PRDM10: variants seen among roughly 807,000 people sequenced by gnomAD.
PRDM10 encodes the protein PR domain zinc finger protein 10.
A neutral mutation model predicts 133.1 loss-of-function variants in PRDM10; 65 were observed. The ratio of observed to expected loss-of-function variants is 0.49; its 90% CI spans 0.40 to 0.60. The LOEUF is 0.60. PRDM10 is among the 20% of genes least tolerant of loss of function. PRDM10 has a pLI of 0.00. For missense variants in PRDM10, 1,137 were observed against 1,507.1 expected (o/e 0.75, Z 4.07); for synonymous variants, 582 against 580.4 (o/e 1.00, Z -0.04).
At chr11:129,944,228 T>C (rs1951314504) in intron 6 of PRDM10, among the ~76,000 whole-genome samples, 1 of 152,098 alleles carries the variant, frequency 6.6e-6, no homozygotes, top group South Asian at 2.1e-4. Context: ...CAGTCTGTGG[T>C]ATTTTACTAC....
chr11:129,971,875 G>A (rs995583874), intron 1 of PRDM10, among the ~76,000 whole-genome samples: 19 of 152,242 alleles, frequency 1.2e-4, no homozygotes, highest in Non-Finnish European at 2.6e-4. Context: ...GGGTGCCGTA[G>A]AGCAGGGGGC....
chr11:129,907,465 C>T (rs748700513), intron 19 of PRDM10, among the ~76,000 whole-genome samples: 29 of 152,112 alleles, frequency 1.9e-4, no homozygotes, highest in African/African-American at 5.1e-4. Context: ...AGTGCAGTGC[C>T]GCGATCTCGG....
intron 1 of PRDM10, among the ~76,000 whole-genome samples, chr11:129,977,106 A>G (rs1937801772): frequency 6.6e-6 from 1 of 152,148 alleles, no homozygotes; most frequent in South Asian, 2.1e-4. Flanking sequence ...AGAAGACAGC[A>G]ACGTCACTTG....
chr11:129,991,362 CA>C (rs1938733000), intron 1 of PRDM10, among the ~76,000 whole-genome samples: 1 of 152,196 alleles, frequency 6.6e-6, no homozygotes, highest in African/African-American at 2.4e-5. Context: ...ATGTAAAGTT[CA>C]ACTTCAAATT....
intron 17 of PRDM10, 39 bp downstream of exon 17, chr11:129,914,665 G>A (rs1287288731): frequency 7.5e-6 from 12 of 1,609,874 alleles, no homozygotes; most frequent in South Asian, 2.2e-5. Flanking sequence ...GTGGCAACAC[G>A]GCATTCATAA....
chr11:129,964,118 G>A (rs1209656780), intron 1 of PRDM10, among the ~76,000 whole-genome samples: 1 of 152,188 alleles, frequency 6.6e-6, no homozygotes, highest in Non-Finnish European at 1.5e-5. Flanking sequence ...CCTTCCGATA[G>A]AGGAATTTGA....
At chr11:129,976,573 G>A (rs1161821748) in intron 1 of PRDM10, among the ~76,000 whole-genome samples, 7 of 152,148 alleles carry the variant, frequency 4.6e-5, no homozygotes, top group Admixed American at 3.3e-4. Context: ...GCTCTACTCC[G>A]AGCAGCTGCT....
chr11:129,970,244 G>A (rs115259338), intron 1 of PRDM10, among the ~76,000 whole-genome samples: 4,054 of 152,268 alleles, frequency 0.027, 129 homozygotes, highest in East Asian at 0.1. Flanking sequence ...TCTTGAGGAC[G>A]TTACACTAAC....
rs763603394 is a variant in PRDM10, at chr11:129,947,101, A to G, written c.520+44T>C. On this transcript the variant is annotated intron_variant, in intron 5 of 20. Transcript: ENST00000360871. The surrounding 1 kb of genome is among the most constrained non-coding windows in gnomAD (Gnocchi z 4.6). ...ACACGCACACGTACACAGACACACA[A>G]GATGGACACAGCTTCCCTGGGGGAG... is the stretch of plus-strand genomic sequence containing the variant. The G allele has an allele frequency of 1.2e-6, 2 of 1,604,004 alleles. No individual in the cohort carries two copies. Among genetic ancestry groups the G allele is most frequent in the South Asian group, 1.1e-5 (1 of 89,526 alleles).
At chr11:129,902,858 T>C (rs1303963890) in intron 20 of PRDM10, among the ~76,000 whole-genome samples, 1 of 152,152 alleles carries the variant, frequency 6.6e-6, no homozygotes, top group Non-Finnish European at 1.5e-5. Flanking sequence ...TAACTGTCCA[T>C]TCGATCTTAA....
intron 1 of PRDM10, among the ~76,000 whole-genome samples, chr11:129,963,200 TA>T (rs1951829994): frequency 1.3e-5 from 2 of 150,484 alleles, no homozygotes; most frequent in Non-Finnish European, 3.0e-5. Flanking sequence ...TAAAGATCTG[TA>T]AGAAGAAAAC....
chr11:129,941,426 T>C (rs987121688), intron 7 of PRDM10, among the ~76,000 whole-genome samples: 7 of 152,206 alleles, frequency 4.6e-5, no homozygotes, highest in Non-Finnish European at 8.8e-5. Flanking sequence ...AGTCGGCACA[T>C]AGGATCCTTT....
intron 1 of PRDM10, among the ~76,000 whole-genome samples, chr11:129,985,004 C>T (rs73579256): frequency 0.028 from 4,325 of 152,220 alleles, 219 homozygotes; most frequent in African/African-American, 0.098. Context: ...GTCAGTTAGG[C>T]GAGTTCAGTA....
intron 1 of PRDM10, among the ~76,000 whole-genome samples, chr11:129,990,730 C>G (rs546889439): frequency 3.9e-4 from 60 of 152,216 alleles, no homozygotes; most frequent in Admixed American, 7.9e-4. Context: ...CTTCGGCCCC[C>G]CAAAGTGCTG....
chr11:129,967,491 C>T (rs1034958618), intron 1 of PRDM10, among the ~76,000 whole-genome samples: 3 of 152,110 alleles, frequency 2.0e-5, no homozygotes, highest in African/African-American at 7.2e-5. Context: ...TGTATCTTAC[C>T]ATCAACATCT....
intron 4 of PRDM10, among the ~76,000 whole-genome samples, chr11:129,949,667 A>T (rs978501223): frequency 6.6e-6 from 1 of 152,088 alleles, no homozygotes; most frequent in African/African-American, 2.4e-5. Flanking sequence ...ATGGTGGCTC[A>T]TGCCTGTAAT....
At chr11:129,936,903 C>G (rs1951051730) in intron 8 of PRDM10, among the ~76,000 whole-genome samples, 1 of 152,146 alleles carries the variant, frequency 6.6e-6, no homozygotes, top group South Asian at 2.1e-4. Context: ...ATGGATACAT[C>G]AACTGTTTTA....
chr11:129,994,499 G>A (rs1938935571), intron 1 of PRDM10, among the ~76,000 whole-genome samples: 1 of 151,102 alleles, frequency 6.6e-6, no homozygotes, highest in Admixed American at 6.6e-5. Flanking sequence ...GAAACTGGTG[G>A]TGGTGGTTTG....
intron 1 of PRDM10, among the ~76,000 whole-genome samples, chr11:129,986,607 T>C (rs2135982984): frequency 6.6e-6 from 1 of 152,296 alleles, no homozygotes. Context: ...CAGGCTGGTC[T>C]CGAACTCCTG....
Sources: gnomAD v4.1 joint callset for allele counts (sites outside exome capture counted in the v4.1 genomes callset) on GRCh38, gnomAD v4.1.1 for gene constraint, Gnocchi (gnomAD v3.1) non-coding constraint, MANE v1.5 for transcripts, NCBI Gene and HGNC (gene_info 2026-07-23, HGNC 2026-07-21) for gene names.